The following GHR variants were observed in gnomAD, a reference collection of about 807,000 sequenced individuals.
GHR encodes growth hormone receptor.
GHR carries 35 observed loss-of-function variants against 67.1 expected under a neutral mutation model. The ratio of observed to expected loss-of-function variants is 0.52; its 90% CI spans 0.40 to 0.69. The LOEUF (loss-of-function observed/expected upper bound fraction) is 0.69, where lower values mean the gene tolerates loss of function less well. Among genes scored for constraint, GHR ranks in the 30% least tolerant of loss-of-function variants. GHR has a pLI of 0.00. For missense variants in GHR, 792 were observed against 764.6 expected (o/e 1.04, Z -0.42); for synonymous variants, 272 against 269.1 (o/e 1.01, Z -0.10).
At chr5:42,453,655 G>C (rs759015057) in intron 1 of GHR, among the ~76,000 whole-genome samples, 8 of 152,198 alleles carry the variant, frequency 5.3e-5, no homozygotes, top group Non-Finnish European at 1.2e-4. Flanking sequence ...GGGAGGAACT[G>C]TGACTCTGCC....
intron 1 of GHR, among the ~76,000 whole-genome samples, chr5:42,457,857 G>T (rs879923621): frequency 1.3e-5 from 2 of 152,186 alleles, no homozygotes; most frequent in Admixed American, 1.3e-4. Flanking sequence ...TCAAAATAGC[G>T]TTAGTAAGCC....
chr5:42,582,759 G>A (rs889570863), intron 2 of GHR, among the ~76,000 whole-genome samples: 2 of 152,184 alleles, frequency 1.3e-5, no homozygotes, highest in Admixed American at 6.5e-5. Flanking sequence ...GCTCCCAGGC[G>A]TCACCACATT....
intron 1 of GHR, among the ~76,000 whole-genome samples, chr5:42,559,053 A>G (rs544553350): frequency 1.3e-5 from 2 of 152,338 alleles, no homozygotes; most frequent in South Asian, 4.1e-4. Context: ...TACATTTCAT[A>G]AAATGTAAAG....
At chr5:42,683,512 GATT>G (rs1194803559) in intron 3 of GHR, among the ~76,000 whole-genome samples, 19 of 152,306 alleles carry the variant, frequency 1.2e-4, no homozygotes, top group African/African-American at 4.6e-4. Flanking sequence ...ATATTCTTCT[GATT>G]AGAAGCAAGT....
chr5:42,531,847 T>C (rs945819147), intron 1 of GHR, among the ~76,000 whole-genome samples: 1 of 152,186 alleles, frequency 6.6e-6, no homozygotes, highest in Non-Finnish European at 1.5e-5. Context: ...ACCAAAGTCT[T>C]GGTTTATGTG....
At chr5:42,705,839 G>A (rs1561244367) in intron 6 of GHR, among the ~76,000 whole-genome samples, 1 of 152,020 alleles carries the variant, frequency 6.6e-6, no homozygotes, top group Non-Finnish European at 1.5e-5. Flanking sequence ...ATTGTGAATA[G>A]TGCTATGATG....
At chr5:42,542,193 C>T (rs180708388) in intron 1 of GHR, among the ~76,000 whole-genome samples, 2 of 152,192 alleles carry the variant, frequency 1.3e-5, no homozygotes, top group Admixed American at 1.3e-4. Context: ...GGATGAAGTA[C>T]TTACTGAGGT....
chr5:42,604,106 G>T (rs1752508105), intron 2 of GHR, among the ~76,000 whole-genome samples: 2 of 152,230 alleles, frequency 1.3e-5, no homozygotes, highest in South Asian at 2.1e-4. Context: ...GTCAGGAAGG[G>T]TCATGAGTAC....
At chr5:42,679,707 G>T (rs1401064145) in intron 3 of GHR, among the ~76,000 whole-genome samples, 1 of 151,790 alleles carries the variant, frequency 6.6e-6, no homozygotes, top group Non-Finnish European at 1.5e-5. Flanking sequence ...AAGTGACTTT[G>T]GGCCAGTTAT....
chr5:42,689,411 TGTGA>T (rs1244194190), intron 4 of GHR, among the ~76,000 whole-genome samples: 9 of 152,074 alleles, frequency 5.9e-5, no homozygotes, highest in African/African-American at 2.2e-4. Flanking sequence ...TGTGTCAAAG[TGTGA>T]GTGAGAGCAT....
In GHR at chr5:42,424,587, G is replaced by T. The variant is rs1046372362; in HGVS notation, c.-12+632G>T. On this transcript the variant is annotated intron_variant, in intron 1 of 9. Coordinates refer to ENST00000230882, the MANE Select transcript of GHR (RefSeq NM_000163.5). This position sits in a 1 kb window ranked among gnomAD's most constrained non-coding sequence, Gnocchi z 4.1. ...TCAGTAGAGTGACAGCCACCAGTCC[G>T]CATGAACTGGGGTAAGTGGAAATTG... 29 of 1,533,954 alleles carry T rather than the reference G, an allele frequency of 1.9e-5. No homozygotes were observed. In the African/African-American group the frequency reaches 2.9e-4, roughly 15 times the overall value.
intron 1 of GHR, among the ~76,000 whole-genome samples, chr5:42,475,907 ATT>A (rs367798408): frequency 6.9e-6 from 1 of 144,492 alleles, no homozygotes. Flanking sequence ...CAGATTAAAA[ATT>A]TTTTTTTTTT....
chr5:42,554,713 T>G (rs925959342), intron 1 of GHR, among the ~76,000 whole-genome samples: 12 of 152,042 alleles, frequency 7.9e-5, no homozygotes, highest in Admixed American at 3.9e-4. Context: ...TGTATGTGAG[T>G]GTAAAAGGCA....
chr5:42,556,127 G>C (rs917127122), intron 1 of GHR, among the ~76,000 whole-genome samples: 5 of 152,138 alleles, frequency 3.3e-5, no homozygotes, highest in African/African-American at 1.2e-4. Context: ...AAAGGAAAGA[G>C]GGGTTTCCTC....
intron 1 of GHR, among the ~76,000 whole-genome samples, chr5:42,444,726 T>A (rs1248405033): frequency 6.6e-6 from 1 of 152,202 alleles, no homozygotes; most frequent in Non-Finnish European, 1.5e-5. Context: ...TTCATGTTAT[T>A]CCCTCTAAAA....
At chr5:42,474,346 TAAA>T (rs1745198117) in intron 1 of GHR, among the ~76,000 whole-genome samples, 1 of 33,000 alleles carries the variant, frequency 3.0e-5, no homozygotes, top group East Asian at 1.1e-3. Context: ...AGAAAAGAAA[TAAA>T]GAAAGAAAGC....
At chr5:42,472,995 T>G (rs1480583564) in intron 1 of GHR, among the ~76,000 whole-genome samples, 3 of 152,186 alleles carry the variant, frequency 2.0e-5, no homozygotes, top group African/African-American at 7.2e-5. Context: ...AGAATGAGAT[T>G]TACCAGAGAA....
At chr5:42,551,662 A>T (rs893901687) in intron 1 of GHR, among the ~76,000 whole-genome samples, 2 of 152,162 alleles carry the variant, frequency 1.3e-5, no homozygotes, top group African/African-American at 4.8e-5. Context: ...GCATGCTCAT[A>T]ATGTAGGGAT....
intron 1 of GHR, among the ~76,000 whole-genome samples, chr5:42,526,781 A>G (rs111257121): frequency 7.2e-5 from 11 of 152,176 alleles, no homozygotes; most frequent in African/African-American, 2.2e-4. Flanking sequence ...ACACATAATC[A>G]TCAGATTTTC....
Sources: gnomAD v4.1 joint callset for allele counts (sites outside exome capture counted in the v4.1 genomes callset) on GRCh38, gnomAD v4.1.1 for gene constraint, Gnocchi (gnomAD v3.1) non-coding constraint, MANE v1.5 for transcripts, NCBI Gene and HGNC (gene_info 2026-07-23, HGNC 2026-07-21) for gene names.